Variants in TRIM17 observed in about 807,000 individuals in gnomAD.
The protein encoded by TRIM17 is E3 ubiquitin-protein ligase TRIM17.
In TRIM17, 27 loss-of-function variants were observed where a neutral mutation model predicts 35.8. That is an observed-to-expected ratio of 0.75 (90% confidence interval 0.56 to 1.04). The LOEUF is 1.04. TRIM17 is among the 50% of genes least tolerant of loss of function. The pLI is 0.00. For missense variants in TRIM17, 582 were observed against 612.8 expected (o/e 0.95, Z 0.53); for synonymous variants, 246 against 252.6 (o/e 0.97, Z 0.25).
In TRIM17 at chr1:228,411,052, C is replaced by CT; in HGVS notation, c.649dup (p.Arg217LysfsTer72). On this transcript the variant is annotated frameshift_variant, in exon 4 of 7. Coordinates refer to ENST00000366698, the MANE Select transcript of TRIM17 (RefSeq NM_016102.4). LOFTEE classifies it high-confidence loss of function. This position sits in a 1 kb window ranked among gnomAD's most constrained non-coding sequence, Gnocchi z 4.2. ...CAGGCAGGCCACGCTCTCCCGGAGC[C>CT]TGCTGGCAGTCTCCTCTTCTTCCGT... 1 of 1,613,838 alleles carries CT rather than the reference C, an allele frequency of 6.2e-7. No individual in the cohort carries two copies. Among genetic ancestry groups the CT allele is most frequent in the African/African-American group, 1.3e-5 (1 of 75,052 alleles).
rs1656608311 is a variant in TRIM17 at position 228,408,831 on chromosome 1, G to A, written c.884-80C>T. The A allele has an allele frequency of 2.6e-6, 4 of 1,527,406 alleles. No individual in the cohort carries two copies. The highest frequency in any genetic ancestry group is 2.6e-6 in the Non-Finnish European group (3 of 1,143,030). The allele number at this position is 1,527,406 out of a possible 1,614,324, so 94.6% of individuals were successfully genotyped here. A position where few individuals can be genotyped will look rare whatever the true frequency, so the allele number is the denominator to read the frequency against. On this transcript the variant is annotated intron_variant, in intron 6 of 6. Transcript: ENST00000366698. The surrounding 1 kb of genome is among the most constrained non-coding windows in gnomAD (Gnocchi z 6.3). Reference sequence around the variant, plus strand: ...CAAAGGTGGGAGTCCCCGGGCCCTAGTGGTGGATGTGGCCAATGGTCCCCT... The same window carrying A: ...CAAAGGTGGGAGTCCCCGGGCCCTAATGGTGGATGTGGCCAATGGTCCCCT...
intron 1 of TRIM17, chr1:228,416,334 G>A (rs1288876699): frequency 5.1e-6 from 5 of 985,312 alleles, no homozygotes; most frequent in Middle Eastern, 5.2e-4. Flanking sequence ...GGCTCTGGCT[G>A]CCGGGATGGC....
At chr1:228,414,189 C>T (rs1390691220) in intron 2 of TRIM17, among the ~76,000 whole-genome samples, 2 of 152,172 alleles carry the variant, frequency 1.3e-5, no homozygotes, top group Admixed American at 6.5e-5. Flanking sequence ...TTACCAAGGG[C>T]GGGAAAGCCG....
At chr1:228,415,514 A>T in intron 1 of TRIM17, 2 of 156,846 alleles carry the variant, frequency 1.3e-5, no homozygotes, top group South Asian at 4.0e-4. Context: ...TCCCTTAATC[A>T]CTTTCCATCC....
rs1303721595 is a variant in TRIM17, at chr1:228,408,792, G to A, written c.884-41C>T. On this transcript the variant is annotated intron_variant, in intron 6 of 6. Transcript: ENST00000366698. The surrounding 1 kb of genome is among the most constrained non-coding windows in gnomAD (Gnocchi z 6.3). ...GTGGTGGAGAGATGGGGAGAGGTGT[G>A]GGGCATTCAGGGTCAAAGGTGGGAG... The A allele has an allele frequency of 6.4e-7, 1 of 1,570,732 alleles. No homozygotes were observed. Among genetic ancestry groups the A allele is most frequent in the African/African-American group, 1.3e-5 (1 of 74,402 alleles).
At position 228,411,015 on chromosome 1, in the gene TRIM17, A is replaced by G. The variant is rs769671186; in HGVS notation, c.687T>C (p.Gly229=). The G allele has an allele frequency of 1.2e-6, 2 of 1,611,954 alleles. No individual in the cohort carries two copies. Among genetic ancestry groups the G allele is most frequent in the East Asian group, 4.5e-5 (2 of 44,844 alleles). The change falls in exon 4 of 7, where the codon GGT becomes GGC. Residue 229 remains glycine (G), a synonymous_variant. Transcript: ENST00000366698. The surrounding 1 kb of genome is among the most constrained non-coding windows in gnomAD (Gnocchi z 4.2). ...RESVACLDRQ[G]HSLELLLLQL... ...GCAGCAGCAGCAGCTCCAGAGAGTG[A>G]CCCTGCCGGTCCAGGCAGGCCACGC...
Position 228,408,948 on chromosome 1 carries a change from A to C in TRIM17, c.884-197T>G. 6.7e-7 allele frequency: 1 copy of C among 1,503,264 alleles called. No homozygotes were observed. Among genetic ancestry groups the C allele is most frequent in the Non-Finnish European group, 8.9e-7 (1 of 1,121,668 alleles). The allele number at this position is 1,503,264 out of a possible 1,614,324, so 93.1% of individuals were successfully genotyped here. ...GTGGGCCTTGGTGGCAATAAGGTAC[A>C]GGGGGCTGGGCAGAGAGACCACTGG... is the stretch of plus-strand genomic sequence containing the variant. On this transcript the variant is annotated intron_variant, in intron 6 of 6. Transcript: ENST00000366698. The surrounding 1 kb of genome is among the most constrained non-coding windows in gnomAD (Gnocchi z 6.3).
At position 228,410,877 on chromosome 1, in the gene TRIM17, G is replaced by A; in HGVS notation, c.756+69C>T. On this transcript the variant is annotated intron_variant, in intron 4 of 6. Coordinates refer to ENST00000366698, the MANE Select transcript of TRIM17 (RefSeq NM_016102.4). The surrounding 1 kb of genome is among the most constrained non-coding windows in gnomAD (Gnocchi z 4.6). Reference sequence around the variant, plus strand: ...TTCCCGTTGGCTGCCTCTTCCCCAAGCCCAGCGCCCCCTGCCCATGCCTGT... The same window carrying A: ...TTCCCGTTGGCTGCCTCTTCCCCAAACCCAGCGCCCCCTGCCCATGCCTGT... 8.5e-7 allele frequency: 1 copy of A among 1,176,662 alleles called. No individual in the cohort carries two copies. Among genetic ancestry groups the A allele is most frequent in the Non-Finnish European group, 1.2e-6 (1 of 864,884 alleles). The allele number at this position is 1,176,662 out of a possible 1,614,324, so 72.9% of individuals were successfully genotyped here.
rs1656840261 is a variant in TRIM17 at position 228,412,610 on chromosome 1, A to T, written c.525+1187T>A. ...CTTGTCTCTACAAAAAAAAAAAAAA[A>T]AAAAAAAAAAAAAGCTGGTCTTGGT... On this transcript the variant is annotated intron_variant, in intron 3 of 6. Coordinates refer to ENST00000366698, the MANE Select transcript of TRIM17 (RefSeq NM_016102.4). Among the ~76,000 whole-genome samples the T allele has an allele frequency of 2.7e-5, 4 of 148,994 alleles. No homozygotes were observed. In the South Asian group the frequency reaches 8.6e-4, roughly 32 times the overall value.
At chr1:228,409,099 G>T in intron 6 of TRIM17, 73 bp downstream of exon 6, 2 of 1,613,812 alleles carry the variant, frequency 1.2e-6, no homozygotes, top group Non-Finnish European at 1.7e-6. Flanking sequence ...GGTGGCTTCC[G>T]AGGCTAGGGG....
chr1:228,410,707 G>T lies in TRIM17; in HGVS notation c.756+239C>A, dbSNP rs182809437. Among the ~76,000 whole-genome samples the T allele has an allele frequency of 2.0e-5, 3 of 152,324 alleles. No individual in the cohort carries two copies. In the East Asian group the frequency reaches 5.8e-4, roughly 29 times the overall value. ...AAGGAGATGATTAGGACAGAGACGTGCATAGAGAGATGATGCCATGAGGAC... is the reference window on the plus strand; with the variant it reads ...AAGGAGATGATTAGGACAGAGACGTTCATAGAGAGATGATGCCATGAGGAC... On this transcript the variant is annotated intron_variant, in intron 4 of 6. Coordinates refer to ENST00000366698, the MANE Select transcript of TRIM17 (RefSeq NM_016102.4). This position sits in a 1 kb window ranked among gnomAD's most constrained non-coding sequence, Gnocchi z 4.6.
intron 1 of TRIM17, 188 bp from the exon 2 acceptor site, chr1:228,415,301 C>G: frequency 1.8e-6 from 1 of 548,220 alleles, no homozygotes; most frequent in Non-Finnish European, 3.2e-6. Flanking sequence ...CCTCCCTGAC[C>G]AATGCTCTGC....
Position 228,408,156 on chromosome 1 carries a change from C to T in TRIM17, c.*45G>A. The T allele has an allele frequency of 6.7e-7, 1 of 1,503,294 alleles. No homozygotes were observed. Among genetic ancestry groups the T allele is most frequent in the South Asian group, 1.4e-5 (1 of 72,336 alleles). 93.1% of individuals were successfully genotyped at this position (1,503,294 alleles called of 1,614,324 possible). ...GCCTGCAGTAAGCAGAAGGCCCACACCTTCTGCAGAGCCAGGAGCAGTGCC... is the reference window on the plus strand; with the variant it reads ...GCCTGCAGTAAGCAGAAGGCCCACATCTTCTGCAGAGCCAGGAGCAGTGCC... On this transcript the variant is annotated 3_prime_UTR_variant, in exon 7 of 7. Coordinates refer to ENST00000366698, the MANE Select transcript of TRIM17 (RefSeq NM_016102.4). The surrounding 1 kb of genome is among the most constrained non-coding windows in gnomAD (Gnocchi z 6.3).
Position 228,408,534 on chromosome 1 carries a change from C to G in TRIM17, c.1101G>C (p.Leu367=). ...GGCTCACGTTGTCCCTGCACACACC[C>G]AGGGCCCACAACGCGTCCCCGGTGA... is the stretch of plus-strand genomic sequence containing the variant. ...MNITGDALWA[L]GVCRDNVSRK... The change falls in exon 7 of 7, where the codon CTG becomes CTC. Residue 367 remains leucine (L), a synonymous_variant. Coordinates refer to ENST00000366698, the MANE Select transcript of TRIM17 (RefSeq NM_016102.4). The surrounding 1 kb of genome is among the most constrained non-coding windows in gnomAD (Gnocchi z 6.3). 6 of 1,614,150 alleles carry G rather than the reference C, an allele frequency of 3.7e-6. No homozygotes were observed. Among genetic ancestry groups the G allele is most frequent in the South Asian group, 1.1e-5 (1 of 91,088 alleles).
At chr1:228,414,174 T>C (rs1237020805) in intron 2 of TRIM17, among the ~76,000 whole-genome samples, 1 of 152,172 alleles carries the variant, frequency 6.6e-6, no homozygotes, top group Non-Finnish European at 1.5e-5. Flanking sequence ...AGGAAAGCCA[T>C]GTTCTTACCA....
chr1:228,415,112 C>T lies in TRIM17; in HGVS notation c.-40G>A, dbSNP rs755424892. On this transcript the variant is annotated splice_region_variant and 5_prime_UTR_variant, in exon 2 of 7. Coordinates refer to ENST00000366698, the MANE Select transcript of TRIM17 (RefSeq NM_016102.4). ...ACGAGGCAGGTTCCCGCTTGAGGGACTCTGGAGAGAGTTGGAGGGAGCAGC... is the reference window on the plus strand; with the variant it reads ...ACGAGGCAGGTTCCCGCTTGAGGGATTCTGGAGAGAGTTGGAGGGAGCAGC... 5.3e-5 allele frequency: 83 copies of T among 1,566,438 alleles called. No homozygotes were observed. Among genetic ancestry groups the T allele is most frequent in the Non-Finnish European group, 7.1e-5 (82 of 1,154,414 alleles).
At position 228,410,462 on chromosome 1, in the gene TRIM17, G is replaced by A. The variant is rs905528915; in HGVS notation, c.756+484C>T. ...CCCTGTCCCAAAGCCACACCTGGCT[G>A]CCAGGTGTCCCAAGCCACCTCTCTG... On this transcript the variant is annotated intron_variant, in intron 4 of 6. Coordinates refer to ENST00000366698, the MANE Select transcript of TRIM17 (RefSeq NM_016102.4). The surrounding 1 kb of genome is among the most constrained non-coding windows in gnomAD (Gnocchi z 4.6). 6.6e-6 allele frequency among the ~76,000 whole-genome samples: 1 copy of A among 151,594 alleles called. No individual in the cohort carries two copies. Among genetic ancestry groups the A allele is most frequent in the Non-Finnish European group, 1.5e-5 (1 of 67,936 alleles).
In TRIM17 at chr1:228,408,538, G is replaced by A; in HGVS notation, c.1097C>T (p.Ala366Val). Residue 366 changes from alanine to valine, a missense_variant, in exon 7 of 7, where the codon GCC (alanine) becomes GTC (valine). By Grantham distance (64) the Ala-to-Val change is moderately conservative. Transcript: ENST00000366698. This position sits in a 1 kb window ranked among gnomAD's most constrained non-coding sequence, Gnocchi z 6.3. ...CACGTTGTCCCTGCACACACCCAGGGCCCACAACGCGTCCCCGGTGATGTT... is the reference window on the plus strand; with the variant it reads ...CACGTTGTCCCTGCACACACCCAGGACCCACAACGCGTCCCCGGTGATGTT... ...GMNITGDALW[A>V]LGVCRDNVSR... 6.2e-7 allele frequency: 1 copy of A among 1,614,094 alleles called. No homozygotes were observed. The highest frequency in any genetic ancestry group is 2.2e-5 in the East Asian group (1 of 44,876).
Position 228,414,881 on chromosome 1 carries a change from C to T in TRIM17, c.192G>A (p.Glu64=). 6.2e-7 allele frequency: 1 copy of T among 1,613,600 alleles called. No individual in the cohort carries two copies. Among genetic ancestry groups the T allele is most frequent in the Non-Finnish European group, 8.5e-7 (1 of 1,179,998 alleles). Reference sequence around the variant, plus strand: ...TCCTCTGCGGGGACATCTCTCTGCACTCGGGGCAGGGGAAGGAGCCCTTCC... The same window carrying T: ...TCCTCTGCGGGGACATCTCTCTGCATTCGGGGCAGGGGAAGGAGCCCTTCC... ...RKRKGSFPCP[E]CREMSPQRNL... The change falls in exon 2 of 7, where the codon GAG becomes GAA. Residue 64 remains glutamate (E), a synonymous_variant. Transcript: ENST00000366698.
Sources: allele counts gnomAD v4.1 joint callset (sites outside exome capture counted in the v4.1 genomes callset), GRCh38; gene constraint gnomAD v4.1.1; non-coding constraint Gnocchi (gnomAD v3.1); transcripts MANE v1.5; gene names NCBI Gene and HGNC (gene_info 2026-07-23, HGNC 2026-07-21).